The following LMBR1 variants were observed in gnomAD, a reference collection of about 807,000 sequenced individuals.
LMBR1 encodes the protein limb region 1 protein homolog.
LMBR1 carries 52 observed loss-of-function variants against 73.9 expected under a neutral mutation model. The ratio of observed to expected loss-of-function variants is 0.70; its 90% CI spans 0.56 to 0.89. LMBR1 has a LOEUF of 0.89. LMBR1 is among the 40% of genes least tolerant of loss of function. The pLI is 0.00. For missense variants in LMBR1, 539 were observed against 579.8 expected (o/e 0.93, Z 0.72); for synonymous variants, 215 against 209.4 (o/e 1.03, Z -0.23).
chr7:156,756,940 C>T (rs1172600493), intron 8 of LMBR1, among the ~76,000 whole-genome samples: 1 of 152,128 alleles, frequency 6.6e-6, no homozygotes, highest in African/African-American at 2.4e-5. Flanking sequence ...CCTCAACCTC[C>T]CTAGTAGCTG....
intron 1 of LMBR1, among the ~76,000 whole-genome samples, chr7:156,851,875 C>T (rs1796288983): frequency 6.6e-6 from 1 of 152,094 alleles, no homozygotes; most frequent in East Asian, 1.9e-4. Flanking sequence ...GATGAAAGTA[C>T]TATTTTCAAA....
At chr7:156,773,125 T>C (rs1825509768) in intron 5 of LMBR1, among the ~76,000 whole-genome samples, 2 of 151,858 alleles carry the variant, frequency 1.3e-5, no homozygotes, top group East Asian at 3.9e-4. Context: ...AATAAAAACC[T>C]AGAAATACAG....
At chr7:156,875,260 G>C (rs1467645411) in intron 1 of LMBR1, among the ~76,000 whole-genome samples, 1 of 152,070 alleles carries the variant, frequency 6.6e-6, no homozygotes, top group Non-Finnish European at 1.5e-5. Flanking sequence ...AAAGAAAAAT[G>C]AATAAGAGAA....
In LMBR1 at chr7:156,716,155, C is replaced by T. The variant is rs1039356927; in HGVS notation, c.1225+7957G>A. Among the ~76,000 whole-genome samples the T allele has an allele frequency of 3.3e-5, 5 of 152,228 alleles. No individual in the cohort carries two copies. In the South Asian group the frequency reaches 6.2e-4, roughly 19 times the overall value. ...ATGAGAAAGTCAATACAGACAGGTA[C>T]GTATAATACAAGGTTGAAAGTGCAA... is the stretch of plus-strand genomic sequence containing the variant. On this transcript the variant is annotated intron_variant, in intron 15 of 16. Coordinates refer to ENST00000353442, the MANE Select transcript of LMBR1 (RefSeq NM_022458.4).
chr7:156,710,063 C>A (rs1451414210), intron 15 of LMBR1, among the ~76,000 whole-genome samples: 2 of 151,838 alleles, frequency 1.3e-5, no homozygotes, highest in Non-Finnish European at 2.9e-5. Context: ...CGCCACCATG[C>A]CCGGCTAATT....
intron 5 of LMBR1, among the ~76,000 whole-genome samples, chr7:156,770,358 TAAC>T (rs560646128): frequency 1.6e-3 from 240 of 152,142 alleles, no homozygotes; most frequent in African/African-American, 5.5e-3. Flanking sequence ...ACTACTGCAT[TAAC>T]AACAGAGAAT....
At chr7:156,844,430 G>A (rs78728121) in intron 1 of LMBR1, among the ~76,000 whole-genome samples, 4,843 of 152,186 alleles carry the variant, frequency 0.032, 124 homozygotes, top group South Asian at 0.084. Flanking sequence ...AAAGTAGGAC[G>A]AGGAGTAGGT....
At chr7:156,860,766 C>T (rs1208254514) in intron 1 of LMBR1, among the ~76,000 whole-genome samples, 3 of 152,352 alleles carry the variant, frequency 2.0e-5, no homozygotes, top group East Asian at 3.9e-4. Context: ...AAAGGGGCTA[C>T]AGGCCCCATG....
At chr7:156,826,003 G>C (rs575258835) in intron 4 of LMBR1, among the ~76,000 whole-genome samples, 2 of 152,152 alleles carry the variant, frequency 1.3e-5, no homozygotes, top group South Asian at 4.1e-4. Context: ...TTTTGAGATG[G>C]AGTTTCACTC....
chr7:156,831,514 A>C (rs879642498), intron 3 of LMBR1, among the ~76,000 whole-genome samples: 1 of 152,056 alleles, frequency 6.6e-6, no homozygotes, highest in African/African-American at 2.4e-5. Flanking sequence ...GATGAGGGAG[A>C]CTAGTCAGAC....
intron 15 of LMBR1, among the ~76,000 whole-genome samples, chr7:156,699,349 C>G (rs1177846584): frequency 6.6e-6 from 1 of 151,884 alleles, no homozygotes; most frequent in Admixed American, 6.6e-5. Flanking sequence ...ACTGGCTAGC[C>G]ATATGTAGAA....
intron 4 of LMBR1, among the ~76,000 whole-genome samples, chr7:156,671,173 G>A (rs991129560): frequency 5.9e-5 from 9 of 152,180 alleles, no homozygotes; most frequent in Non-Finnish European, 1.2e-4. Context: ...ATTGAAAAGA[G>A]CAAAAATTAA....
chr7:156,892,861 CG>C, intron 1 of LMBR1, 66 bp downstream of exon 1: 11 of 1,205,938 alleles, frequency 9.1e-6, no homozygotes, highest in African/African-American at 1.9e-5. Flanking sequence ...ACCGGGGGCC[CG>C]GGGGCGGGGA....
intron 5 of LMBR1, among the ~76,000 whole-genome samples, chr7:156,780,425 C>T (rs1211566409): frequency 1.3e-5 from 2 of 152,086 alleles, no homozygotes; most frequent in Admixed American, 1.3e-4. Flanking sequence ...TGAATTAATA[C>T]ATGTTTTCAA....
intron 15 of LMBR1, among the ~76,000 whole-genome samples, chr7:156,709,519 G>C (rs964378161): frequency 6.6e-6 from 1 of 152,194 alleles, no homozygotes; most frequent in South Asian, 2.1e-4. Context: ...CCCGAAGACA[G>C]ACCACATCAC....
At chr7:156,777,104 T>C (rs1826293507) in intron 5 of LMBR1, among the ~76,000 whole-genome samples, 1 of 152,024 alleles carries the variant, frequency 6.6e-6, no homozygotes, top group Non-Finnish European at 1.5e-5. Context: ...GCTAATATTA[T>C]CTCTGTATTT....
chr7:156,721,428 G>A (rs1024565871), intron 15 of LMBR1, among the ~76,000 whole-genome samples: 3 of 151,952 alleles, frequency 2.0e-5, no homozygotes, highest in African/African-American at 7.2e-5. Context: ...ATATTTTATT[G>A]CATAGAATTT....
rs1208158424 is a variant in LMBR1, at chr7:156,892,671, G to A, written c.66+257C>T. The A allele has an allele frequency of 1.2e-5, 4 of 327,736 alleles. No individual in the cohort carries two copies. In the South Asian group the frequency reaches 2.3e-4, roughly 18 times the overall value. The allele number at this position is 327,736 out of a possible 1,614,324, so 20.3% of individuals were successfully genotyped here. Reference sequence around the variant, plus strand: ...GTCGGGGCTCGAACGGAGGGAGCGCGAGGGGGCAGGGGAGGCAAGAGCGGA... The same window carrying A: ...GTCGGGGCTCGAACGGAGGGAGCGCAAGGGGGCAGGGGAGGCAAGAGCGGA... On this transcript the variant is annotated intron_variant, in intron 1 of 16. Transcript: ENST00000353442.
At position 156,769,050 on chromosome 7, in the gene LMBR1, G is replaced by A. The variant is rs754526094; in HGVS notation, c.424-5255C>T. The stretch of plus-strand genomic sequence containing the variant: ...CTGTTTATATTGGGCCAAAGGGAAG[G>A]CACAGTCCCTGAGGCCAAGCTTGCA... On this transcript the variant is annotated intron_variant, in intron 5 of 16. Coordinates refer to ENST00000353442, the MANE Select transcript of LMBR1 (RefSeq NM_022458.4). Among the ~76,000 whole-genome samples, 2 of 152,168 alleles carry A rather than the reference G, an allele frequency of 1.3e-5. No individual in the cohort carries two copies. The highest frequency in any genetic ancestry group is 2.4e-5 in the African/African-American group (1 of 41,428).
Sources: gnomAD v4.1 joint callset for allele counts (sites outside exome capture counted in the v4.1 genomes callset) on GRCh38, gnomAD v4.1.1 for gene constraint, MANE v1.5 for transcripts, NCBI Gene and HGNC (gene_info 2026-07-23, HGNC 2026-07-21) for gene names.